PCBP3: variants seen among roughly 807,000 people sequenced by gnomAD.
PCBP3 encodes the protein poly(rC)-binding protein 3.
Under a neutral mutation model 52.7 loss-of-function variants are expected in PCBP3, and 25 were observed. The ratio of observed to expected loss-of-function variants is 0.47; its 90% confidence interval spans 0.35 to 0.66. PCBP3 has a LOEUF of 0.66. PCBP3 is among the 30% of genes least tolerant of loss of function. The pLI, the probability that PCBP3 is intolerant of heterozygous loss-of-function variation, is 0.01. For missense variants in PCBP3, 391 were observed against 490.3 expected, an observed-to-expected ratio of 0.80 and a Z score of 1.91; for synonymous variants, 162 against 183.0, an observed-to-expected ratio of 0.89 and a Z score of 0.93.
intron 4 of PCBP3, among the ~76,000 whole-genome samples, chr21:45,823,039 G>C (rs143977235): frequency 6.6e-6 from 1 of 152,282 alleles, no homozygotes; most frequent in Non-Finnish European, 1.5e-5. Flanking sequence ...TAGGACATCG[G>C]TCTGTGCAAC....
intron 4 of PCBP3, among the ~76,000 whole-genome samples, chr21:45,764,430 A>G (rs1223296861): frequency 6.6e-6 from 1 of 152,230 alleles, no homozygotes; most frequent in African/African-American, 2.4e-5. Flanking sequence ...CCAGTAATAC[A>G]AAGTTTCTTG....
At chr21:45,877,466 A>G (rs985070015) in intron 5 of PCBP3, among the ~76,000 whole-genome samples, 2 of 152,234 alleles carry the variant, frequency 1.3e-5, no homozygotes, top group African/African-American at 2.4e-5. Context: ...ATCAGAATTT[A>G]TAGTGGTACC....
intron 2 of PCBP3, among the ~76,000 whole-genome samples, chr21:45,705,734 C>CT (rs949947045): frequency 8.6e-5 from 13 of 151,660 alleles, no homozygotes; most frequent in South Asian, 2.1e-4. Flanking sequence ...CTCTTATAGT[C>CT]TTTTTTTTTC....
chr21:45,721,425 A>C (rs1040601674), intron 2 of PCBP3, among the ~76,000 whole-genome samples: 81 of 152,072 alleles, frequency 5.3e-4, no homozygotes, highest in African/African-American at 1.7e-3. Context: ...AAAAAAAAAA[A>C]AAAAAACAAC....
In PCBP3 at chr21:45,917,789, C is replaced by T; in HGVS notation, c.717+160C>T. Reference sequence around the variant, plus strand: ...GTCGTATCCATATGACCTCGAATAACCTTTTAACCTCTTAGCACTAATTCT... The same window carrying T: ...GTCGTATCCATATGACCTCGAATAATCTTTTAACCTCTTAGCACTAATTCT... On this transcript the variant is annotated intron_variant, in intron 13 of 17. Transcript: ENST00000681687. This position sits in a 1 kb window ranked among gnomAD's most constrained non-coding sequence, Gnocchi z 5.3. 1 of 699,352 alleles carries T rather than the reference C, an allele frequency of 1.4e-6. No homozygotes were observed. The allele number at this position is 699,352 out of a possible 1,614,324, so 43.3% of individuals were successfully genotyped here.
chr21:45,774,402 A>G (rs1004758577), intron 4 of PCBP3, among the ~76,000 whole-genome samples: 1 of 151,680 alleles, frequency 6.6e-6, no homozygotes, highest in Non-Finnish European at 1.5e-5. Context: ...AAAAAAAAAA[A>G]GAAAAAAAAG....
chr21:45,751,800 T>TC (rs1278886260), intron 3 of PCBP3, among the ~76,000 whole-genome samples: 2 of 152,220 alleles, frequency 1.3e-5, no homozygotes, highest in Non-Finnish European at 1.5e-5. Context: ...TGGGGTCTGT[T>TC]CTTCAGCTCA....
chr21:45,662,576 A>G (rs2080476381), intron 1 of PCBP3, among the ~76,000 whole-genome samples: 1 of 152,128 alleles, frequency 6.6e-6, no homozygotes, highest in Non-Finnish European at 1.5e-5. Context: ...AACAAGAGTT[A>G]TACTAGATAT....
intron 2 of PCBP3, among the ~76,000 whole-genome samples, chr21:45,682,584 G>C (rs1041591883): frequency 2.8e-4 from 43 of 152,112 alleles, no homozygotes; most frequent in Non-Finnish European, 1.8e-4. Context: ...AGAAGTAGCT[G>C]GACCCTGAAC....
At chr21:45,842,266 G>A (rs1019370629) in intron 4 of PCBP3, among the ~76,000 whole-genome samples, 16 of 152,188 alleles carry the variant, frequency 1.1e-4, no homozygotes, top group African/African-American at 3.6e-4. Context: ...CTACAAGTAC[G>A]ATTTGGAGTT....
At chr21:45,910,052 A>C (rs1430943038) in intron 10 of PCBP3, among the ~76,000 whole-genome samples, 9 of 898 alleles carry the variant, frequency 0.01, no homozygotes, top group Admixed American at 0.017. Context: ...GACCCCCCCC[A>C]CCACTGCCCA....
Position 45,649,455 on chromosome 21 carries a change from G to A in PCBP3, c.-279+5587G>A, listed in dbSNP as rs79510640. 4.9e-3 allele frequency among the ~76,000 whole-genome samples: 748 copies of A among 152,206 alleles called. 12 individuals carry two copies. Among genetic ancestry groups the A allele is most frequent in the African/African-American group, 0.017 (722 of 41,522 alleles). ...TACTTAGAACTTATTTTTGTGTGGG[G>A]TATGAGATAGAGATCCAATTTTAAA... On this transcript the variant is annotated intron_variant, in intron 1 of 17. Coordinates refer to ENST00000681687, the MANE Select transcript of PCBP3 (RefSeq NM_001384156.1).
At chr21:45,924,471 G>A (rs62213803) in intron 13 of PCBP3, among the ~76,000 whole-genome samples, 11,062 of 81,942 alleles carry the variant, frequency 0.13, 49 homozygotes, top group East Asian at 0.39. Flanking sequence ...ACGTAAGATC[G>A]GGTGTGCGTG....
At chr21:45,846,373 T>C (rs1254304747) in intron 4 of PCBP3, among the ~76,000 whole-genome samples, 1 of 152,212 alleles carries the variant, frequency 6.6e-6, no homozygotes, top group East Asian at 1.9e-4. Context: ...CCATTTCTAT[T>C]TCATGTAACT....
At chr21:45,726,004 C>G (rs944065208) in intron 2 of PCBP3, among the ~76,000 whole-genome samples, 11 of 152,226 alleles carry the variant, frequency 7.2e-5, no homozygotes, top group African/African-American at 2.6e-4. Flanking sequence ...GAGGCTCGCC[C>G]TGGCTGTCGG....
chr21:45,745,088 G>A (rs1234583242), intron 3 of PCBP3, among the ~76,000 whole-genome samples: 1 of 152,170 alleles, frequency 6.6e-6, no homozygotes, highest in African/African-American at 2.4e-5. Flanking sequence ...GTGCCCAGAG[G>A]GACCCCATGG....
chr21:45,789,190 ATG>A (rs541947932), intron 4 of PCBP3, among the ~76,000 whole-genome samples: 7 of 152,222 alleles, frequency 4.6e-5, no homozygotes, highest in African/African-American at 1.4e-4. Context: ...GTGCGTGTGC[ATG>A]TGTGTGTCTG....
chr21:45,855,228 A>C (rs1031543627), intron 5 of PCBP3, among the ~76,000 whole-genome samples: 9 of 152,122 alleles, frequency 5.9e-5, no homozygotes, highest in South Asian at 4.1e-4. Flanking sequence ...CAGTGCACAG[A>C]GCTGGAGCTT....
chr21:45,755,148 T>C (rs1569185774), intron 3 of PCBP3, among the ~76,000 whole-genome samples: 1 of 152,214 alleles, frequency 6.6e-6, no homozygotes, highest in Non-Finnish European at 1.5e-5. Context: ...TGACAATCGC[T>C]GATCTGTTTA....
Sources: allele counts gnomAD v4.1 joint callset (sites outside exome capture counted in the v4.1 genomes callset), GRCh38; gene constraint gnomAD v4.1.1; non-coding constraint Gnocchi (gnomAD v3.1); transcripts MANE v1.5; gene names NCBI Gene and HGNC (gene_info 2026-07-23, HGNC 2026-07-21).